Variants in CADPS observed in about 807,000 individuals in gnomAD.
The protein encoded by CADPS is calcium-dependent secretion activator 1.
CADPS carries 57 observed loss-of-function variants against 167.3 expected under a neutral mutation model. The ratio of observed to expected loss-of-function variants is 0.34; its 90% CI spans 0.28 to 0.42. The LOEUF (loss-of-function observed/expected upper bound fraction) is 0.42, where lower values mean the gene tolerates loss of function less well. Among genes scored for constraint, CADPS ranks in the 20% least tolerant of loss-of-function variants. The pLI, the probability that CADPS is intolerant of heterozygous loss-of-function variation, is 1.00. For missense variants in CADPS, 1,414 were observed against 1,738.1 expected (o/e 0.81, Z 3.32); for synonymous variants, 676 against 635.3 (o/e 1.06, Z -0.96).
intron 1 of CADPS, among the ~76,000 whole-genome samples, chr3:62,780,767 T>C (rs1267926997): frequency 3.9e-5 from 6 of 152,200 alleles, no homozygotes; most frequent in Admixed American, 2.6e-4. Flanking sequence ...CCTATAAAAA[T>C]CTCTCATCAT....
intron 4 of CADPS, among the ~76,000 whole-genome samples, chr3:62,659,514 C>T (rs923053189): frequency 3.9e-5 from 6 of 152,154 alleles, no homozygotes; most frequent in African/African-American, 7.2e-5. Context: ...GGATTGTGGG[C>T]TCCTTGACAT....
chr3:62,705,504 T>A (rs1408606737), intron 3 of CADPS, among the ~76,000 whole-genome samples: 1 of 152,060 alleles, frequency 6.6e-6, no homozygotes. Flanking sequence ...AGATTAACAT[T>A]TGAGTCAGTG....
intron 1 of CADPS, among the ~76,000 whole-genome samples, chr3:62,853,773 C>T (rs1012215479): frequency 1.3e-5 from 2 of 151,870 alleles, no homozygotes; most frequent in African/African-American, 4.8e-5. Flanking sequence ...CCAGCCTGGG[C>T]AACATGGCAA....
chr3:62,682,276 T>A (rs1214746225), intron 3 of CADPS, among the ~76,000 whole-genome samples: 1 of 151,104 alleles, frequency 6.6e-6, no homozygotes, highest in East Asian at 2.0e-4. Flanking sequence ...TTTCACTGTT[T>A]ATTCTACTTT....
rs77228732 is a variant in CADPS at position 62,737,863 on chromosome 3, C to T, written c.888+15578G>A. Among the ~76,000 whole-genome samples the T allele has an allele frequency of 5.8e-4, 88 of 152,258 alleles. 2 individuals are homozygous for T. In the East Asian group the frequency reaches 0.017, roughly 29 times the overall value. On this transcript the variant is annotated intron_variant, in intron 3 of 29. Coordinates refer to ENST00000383710, the MANE Select transcript of CADPS (RefSeq NM_003716.4). ...ACAAACCCTACAGAGACTTCTCTGTCTACATAATCTCAAATACCACCATTA... is the reference window on the plus strand; with the variant it reads ...ACAAACCCTACAGAGACTTCTCTGTTTACATAATCTCAAATACCACCATTA...
At position 62,837,692 on chromosome 3, in the gene CADPS, C is replaced by G. The variant is rs184412779; in HGVS notation, c.441+36897G>C. Reference sequence around the variant, plus strand: ...GCAATAGATATCAACATTAGAAGGTCACAGCACATCCTATCATAGAGCAAA... The same window carrying G: ...GCAATAGATATCAACATTAGAAGGTGACAGCACATCCTATCATAGAGCAAA... On this transcript the variant is annotated intron_variant, in intron 1 of 29. Transcript: ENST00000383710. 2.4e-3 allele frequency among the ~76,000 whole-genome samples: 369 copies of G among 152,270 alleles called. 2 individuals are homozygous for G. Among genetic ancestry groups the G allele is most frequent in the African/African-American group, 8.1e-3 (338 of 41,546 alleles).
At chr3:62,822,821 G>A (rs1279100635) in intron 1 of CADPS, among the ~76,000 whole-genome samples, 2 of 151,930 alleles carry the variant, frequency 1.3e-5, no homozygotes, top group African/African-American at 2.4e-5. Flanking sequence ...CAGCCTGTGC[G>A]ACAGAGTGAG....
intron 27 of CADPS, among the ~76,000 whole-genome samples, chr3:62,442,164 G>C (rs1377916801): frequency 6.6e-6 from 1 of 151,014 alleles, no homozygotes; most frequent in Non-Finnish European, 1.5e-5. Context: ...TTCTAGTTTG[G>C]GGACTGCTGA....
intron 6 of CADPS, chr3:62,626,487 C>T (rs2064111880): frequency 2.8e-6 from 2 of 702,142 alleles, no homozygotes; most frequent in Non-Finnish European, 2.6e-6. Flanking sequence ...AAATCTTGTA[C>T]CCCTGGAGAT....
intron 6 of CADPS, among the ~76,000 whole-genome samples, chr3:62,609,932 AC>A (rs1268985776): frequency 1.3e-5 from 2 of 152,010 alleles, no homozygotes; most frequent in Non-Finnish European, 2.9e-5. Context: ...TACAAAAAAT[AC>A]TAAAAATTAG....
At chr3:62,816,448 CAT>C (rs1425323872) in intron 1 of CADPS, among the ~76,000 whole-genome samples, 2 of 152,090 alleles carry the variant, frequency 1.3e-5, no homozygotes, top group Non-Finnish European at 2.9e-5. Context: ...TTGCAAATAT[CAT>C]AGAGAAATTA....
chr3:62,729,114 G>C (rs2077270223), intron 3 of CADPS, among the ~76,000 whole-genome samples: 1 of 151,924 alleles, frequency 6.6e-6, no homozygotes, highest in South Asian at 2.1e-4. Context: ...TACTTCAAGT[G>C]GGGTGGTGAC....
intron 9 of CADPS, among the ~76,000 whole-genome samples, chr3:62,557,911 G>T (rs767429090): frequency 6.6e-5 from 10 of 152,180 alleles, no homozygotes; most frequent in Non-Finnish European, 1.3e-4. Flanking sequence ...CAGCAATTTT[G>T]TATGTTCTAC....
chr3:62,529,913 G>C (rs2073257838), intron 13 of CADPS, among the ~76,000 whole-genome samples: 1 of 152,086 alleles, frequency 6.6e-6, no homozygotes, highest in Non-Finnish European at 1.5e-5. Context: ...GTTAATTTTG[G>C]GTGACGGTAT....
intron 6 of CADPS, among the ~76,000 whole-genome samples, chr3:62,627,436 C>T (rs1267966680): frequency 1.3e-5 from 2 of 152,050 alleles, no homozygotes; most frequent in Non-Finnish European, 2.9e-5. Flanking sequence ...GTTCTGCCTT[C>T]TTTGTTAGAA....
chr3:62,761,745 A>T (rs2085495599), intron 2 of CADPS, among the ~76,000 whole-genome samples: 1 of 152,020 alleles, frequency 6.6e-6, no homozygotes, highest in African/African-American at 2.4e-5. Context: ...TCTTAAAAAT[A>T]GTTAGAAAAG....
intron 3 of CADPS, among the ~76,000 whole-genome samples, chr3:62,701,538 G>A (rs1368663146): frequency 1.3e-5 from 2 of 150,452 alleles, no homozygotes; most frequent in East Asian, 3.9e-4. Flanking sequence ...GAACACGGGA[G>A]GCAGAGGTTG....
intron 1 of CADPS, among the ~76,000 whole-genome samples, chr3:62,854,971 C>T (rs2079369786): frequency 6.6e-6 from 1 of 152,022 alleles, no homozygotes; most frequent in South Asian, 2.1e-4. Flanking sequence ...GTCACCCAGG[C>T]TGGAGTACAG....
chr3:62,859,401 G>A (rs534668485), intron 1 of CADPS, among the ~76,000 whole-genome samples: 11 of 152,228 alleles, frequency 7.2e-5, no homozygotes, highest in African/African-American at 2.4e-4. Context: ...ATGGCCTTCC[G>A]ACTCAAATAC....
Sources: gnomAD v4.1 joint callset for allele counts (sites outside exome capture counted in the v4.1 genomes callset) on GRCh38, gnomAD v4.1.1 for gene constraint, MANE v1.5 for transcripts, NCBI Gene and HGNC (gene_info 2026-07-23, HGNC 2026-07-21) for gene names.